The following FMN1 variants were observed in gnomAD, a reference collection of about 807,000 sequenced individuals.
FMN1 encodes formin 1.
In FMN1, 110 loss-of-function variants were observed where a neutral mutation model predicts 132.4. The observed-to-expected ratio is 0.83, with a 90% CI of 0.71 to 0.97. The LOEUF is 0.97. Among genes scored for constraint, FMN1 ranks in the 50% least tolerant of loss-of-function variants. The probability of loss-of-function intolerance (pLI) is 0.00; values close to 1 mark genes in which losing one functional copy is unlikely to be tolerated. For synonymous variants in FMN1, 722 were observed against 651.7 expected, an observed-to-expected ratio of 1.11 and a Z score of -1.64; for missense variants, 1,792 against 1,705.3, an observed-to-expected ratio of 1.05 and a Z score of -0.90.
Position 32,968,854 on chromosome 15 carries a change from T to C in FMN1, c.2847A>G (p.Pro949=), listed in dbSNP as rs1427491669. The C allele has an allele frequency of 1.9e-6, 1 of 534,526 alleles. No individual in the cohort carries two copies. 33.1% of individuals were successfully genotyped at this position (534,526 alleles called of 1,614,324 possible). ...CAGGGGGAGGTGGGGGTGCAAGTCC[T>C]GGGGGTGGTGGAGCAGGAGGAGGCC... The part of the protein sequence containing the change: ...PGGPPPAPPP[P]GLAPPPPPGL... The change falls in exon 8 of 21, where the codon CCA becomes CCG. Residue 949 remains proline (P), a synonymous_variant. Coordinates refer to ENST00000616417, the MANE Select transcript of FMN1 (RefSeq NM_001277313.2).
At chr15:32,788,820 T>A (rs2056967514) in intron 19 of FMN1, among the ~76,000 whole-genome samples, 1 of 152,238 alleles carries the variant, frequency 6.6e-6, no homozygotes, top group Non-Finnish European at 1.5e-5. Context: ...GATCTCCACT[T>A]CCTTCTTTTT....
intron 13 of FMN1, among the ~76,000 whole-genome samples, chr15:32,900,418 T>C (rs1271243060): frequency 1.3e-5 from 2 of 152,256 alleles, no homozygotes; most frequent in Admixed American, 6.5e-5. Flanking sequence ...TTTTTAATAC[T>C]TATTTTAAAG....
At chr15:32,962,007 C>T (rs963438151) in intron 9 of FMN1, among the ~76,000 whole-genome samples, 1 of 152,090 alleles carries the variant, frequency 6.6e-6, no homozygotes, top group Non-Finnish European at 1.5e-5. Flanking sequence ...AGACCTCACC[C>T]CCACCCTACT....
intron 4 of FMN1, chr15:33,150,122 G>GATT: frequency 1.0e-6 from 1 of 985,412 alleles, no homozygotes; most frequent in South Asian, 4.7e-5. Flanking sequence ...ACTAAAGATT[G>GATT]GGCATTTCCC....
intron 6 of FMN1, among the ~76,000 whole-genome samples, chr15:33,039,382 T>C (rs565881429): frequency 3.2e-4 from 48 of 152,216 alleles, no homozygotes; most frequent in Non-Finnish European, 5.9e-4. Context: ...CCTGGTAGAA[T>C]AGCAGTGGGT....
chr15:32,946,092 A>G (rs749888270), intron 9 of FMN1, among the ~76,000 whole-genome samples: 3 of 152,194 alleles, frequency 2.0e-5, no homozygotes, highest in Non-Finnish European at 4.4e-5. Context: ...TAAAAAGAGA[A>G]AGATGAAATA....
chr15:33,160,497 A>C (rs1964845419), intron 3 of FMN1, among the ~76,000 whole-genome samples: 1 of 152,238 alleles, frequency 6.6e-6, no homozygotes, highest in Non-Finnish European at 1.5e-5. Flanking sequence ...TGCAGTATGG[A>C]ATCATCACAC....
intron 16 of FMN1, among the ~76,000 whole-genome samples, chr15:32,881,695 T>G (rs2059774235): frequency 1.3e-5 from 2 of 152,166 alleles, no homozygotes; most frequent in Non-Finnish European, 2.9e-5. Context: ...ATTTAAACTC[T>G]CATGGAGGGA....
chr15:33,027,766 C>CACG (rs965018795), intron 6 of FMN1, among the ~76,000 whole-genome samples: 41 of 152,132 alleles, frequency 2.7e-4, no homozygotes, highest in Non-Finnish European at 4.4e-4. Flanking sequence ...AACACACACA[C>CACG]ACGAATATAC....
intron 6 of FMN1, among the ~76,000 whole-genome samples, chr15:33,045,685 C>T (rs892075540): frequency 1.3e-5 from 2 of 152,064 alleles, no homozygotes; most frequent in African/African-American, 4.8e-5. Context: ...AGTTAGAGGC[C>T]CTGTACAACT....
At chr15:32,803,292 C>T (rs2057542881) in intron 18 of FMN1, among the ~76,000 whole-genome samples, 1 of 152,178 alleles carries the variant, frequency 6.6e-6, no homozygotes, top group South Asian at 2.1e-4. Context: ...CAAAATGTAT[C>T]TCAAATTTCA....
At chr15:32,778,160 A>C (rs1344241656) in intron 19 of FMN1, among the ~76,000 whole-genome samples, 1 of 115,704 alleles carries the variant, frequency 8.6e-6, no homozygotes, top group Non-Finnish European at 1.7e-5. Context: ...TACATTTATT[A>C]TATATTATAT....
chr15:32,897,077 A>G (rs2060177944), intron 15 of FMN1, among the ~76,000 whole-genome samples: 1 of 151,934 alleles, frequency 6.6e-6, no homozygotes, highest in Non-Finnish European at 1.5e-5. Flanking sequence ...AACACTTGCT[A>G]TTTTCCATGT....
intron 4 of FMN1, among the ~76,000 whole-genome samples, chr15:33,117,967 A>G (rs1479493466): frequency 1.3e-5 from 2 of 152,188 alleles, no homozygotes; most frequent in East Asian, 1.9e-4. Flanking sequence ...TCGTGTTCCT[A>G]GAAAGAAAAT....
intron 6 of FMN1, among the ~76,000 whole-genome samples, chr15:33,044,038 C>G (rs953376526): frequency 2.0e-5 from 3 of 152,250 alleles, no homozygotes; most frequent in African/African-American, 7.2e-5. Flanking sequence ...CTGCTCTAAT[C>G]TCAGTGCACA....
chr15:33,183,954 A>AT (rs371174429), intron 2 of FMN1, among the ~76,000 whole-genome samples: 11 of 151,392 alleles, frequency 7.3e-5, no homozygotes, highest in African/African-American at 2.7e-4. Context: ...TAACTTCATG[A>AT]TTTTTTTTTG....
chr15:32,981,553 AT>A (rs1340555981), intron 7 of FMN1, among the ~76,000 whole-genome samples: 2 of 147,192 alleles, frequency 1.4e-5, no homozygotes, highest in Non-Finnish European at 3.0e-5. Context: ...AATTATTATT[AT>A]TATTATTATT....
At chr15:32,883,008 T>C (rs992717552) in intron 16 of FMN1, among the ~76,000 whole-genome samples, 1 of 152,198 alleles carries the variant, frequency 6.6e-6, no homozygotes, top group Non-Finnish European at 1.5e-5. Context: ...GAGGCAAACT[T>C]GCATTAAAAG....
At chr15:33,093,661 T>TA (rs1470376875) in intron 4 of FMN1, among the ~76,000 whole-genome samples, 1 of 152,188 alleles carries the variant, frequency 6.6e-6, no homozygotes, top group Non-Finnish European at 1.5e-5. Flanking sequence ...CCCCAGCCTC[T>TA]AACTCCTCAC....
Sources: allele counts gnomAD v4.1 joint callset (sites outside exome capture counted in the v4.1 genomes callset), GRCh38; gene constraint gnomAD v4.1.1; transcripts MANE v1.5; gene names NCBI Gene and HGNC (gene_info 2026-07-23, HGNC 2026-07-21).